Variants in CECR2 observed in about 807,000 individuals in gnomAD.
CECR2 encodes chromatin remodeling regulator CECR2.
CECR2 carries 30 observed loss-of-function variants against 154.5 expected under a neutral mutation model. The ratio of observed to expected loss-of-function variants is 0.19; its 90% CI spans 0.15 to 0.26. The LOEUF is 0.26. Among genes scored for constraint, CECR2 ranks in the 10% least tolerant of loss-of-function variants. The pLI is 1.00. For missense variants in CECR2, 1,743 were observed against 1,829.3 expected (o/e 0.95, Z 0.86); for synonymous variants, 725 against 683.7 (o/e 1.06, Z -0.94).
intron 1 of CECR2, among the ~76,000 whole-genome samples, chr22:17,460,876 G>T (rs1195699190): frequency 6.6e-6 from 1 of 152,118 alleles, no homozygotes; most frequent in South Asian, 2.1e-4. Flanking sequence ...TTATTTTCTT[G>T]CCTAGGACTT....
intron 2 of CECR2, among the ~76,000 whole-genome samples, chr22:17,487,713 T>A (rs1046608206): frequency 2.0e-5 from 3 of 152,058 alleles, no homozygotes; most frequent in African/African-American, 7.2e-5. Context: ...TGATAATACT[T>A]ACTGCTAAAA....
At chr22:17,496,171 G>C (rs926794630) in intron 2 of CECR2, among the ~76,000 whole-genome samples, 4 of 152,124 alleles carry the variant, frequency 2.6e-5, no homozygotes, top group African/African-American at 9.7e-5. Context: ...TTCAAGACCA[G>C]CCTGGGCAAC....
intron 8 of CECR2, among the ~76,000 whole-genome samples, chr22:17,523,167 G>T (rs2056188282): frequency 6.6e-6 from 1 of 152,140 alleles, no homozygotes; most frequent in Non-Finnish European, 1.5e-5. Context: ...TTGGGAGGCT[G>T]AGGTCAGAAG....
chr22:17,484,495 C>G (rs1023148962), intron 2 of CECR2, among the ~76,000 whole-genome samples: 1 of 152,090 alleles, frequency 6.6e-6, no homozygotes, highest in African/African-American at 2.4e-5. Context: ...TTTCACCTGC[C>G]AGGAAAGACT....
intron 1 of CECR2, among the ~76,000 whole-genome samples, chr22:17,393,044 A>G (rs1315728212): frequency 6.6e-6 from 1 of 152,144 alleles, no homozygotes; most frequent in Admixed American, 6.5e-5. Context: ...TGTCTCAGAA[A>G]ATAGTGTTCC....
chr22:17,510,750 C>CT (rs1403596348), intron 7 of CECR2, among the ~76,000 whole-genome samples: 5 of 152,252 alleles, frequency 3.3e-5, no homozygotes, highest in Admixed American at 3.3e-4. Context: ...TACAGGCACG[C>CT]ACCACCATGC....
chr22:17,504,463 G>A (rs569526397), intron 6 of CECR2, among the ~76,000 whole-genome samples: 171 of 151,970 alleles, frequency 1.1e-3, no homozygotes, highest in Non-Finnish European at 2.1e-3. Context: ...TTGAGACGGA[G>A]TCTCACTCTG....
intron 9 of CECR2, among the ~76,000 whole-genome samples, chr22:17,536,852 C>CT (rs1569149455): frequency 6.6e-6 from 1 of 152,130 alleles, no homozygotes; most frequent in Non-Finnish European, 1.5e-5. Flanking sequence ...TGTGCCTGCC[C>CT]TGCCACCTTC....
chr22:17,536,676 G>C (rs141362145), intron 9 of CECR2, among the ~76,000 whole-genome samples: 45 of 152,264 alleles, frequency 3.0e-4, no homozygotes, highest in African/African-American at 9.6e-4. Flanking sequence ...CTGAGAGTCT[G>C]GTCCTAAAAA....
At chr22:17,463,574 T>A (rs753510157) in intron 1 of CECR2, among the ~76,000 whole-genome samples, 6 of 152,056 alleles carry the variant, frequency 3.9e-5, no homozygotes, top group Non-Finnish European at 8.8e-5. Context: ...ATGCCTCAAT[T>A]TTTTGCTGGA....
intron 1 of CECR2, among the ~76,000 whole-genome samples, chr22:17,424,040 C>T (rs996354800): frequency 1.3e-5 from 2 of 152,134 alleles, no homozygotes; most frequent in Non-Finnish European, 2.9e-5. Context: ...GAGCCTATAG[C>T]TCTTGAGATT....
chr22:17,387,444 A>C (rs990270010), intron 1 of CECR2, among the ~76,000 whole-genome samples: 1 of 152,206 alleles, frequency 6.6e-6, no homozygotes, highest in Non-Finnish European at 1.5e-5. Context: ...CAGCCACGAC[A>C]CAGCCAGAAT....
At chr22:17,453,049 C>T (rs1047512227) in intron 1 of CECR2, among the ~76,000 whole-genome samples, 26 of 152,088 alleles carry the variant, frequency 1.7e-4, no homozygotes, top group African/African-American at 6.3e-4. Flanking sequence ...AGGAATTTTT[C>T]CCCTCACACC....
intron 1 of CECR2, among the ~76,000 whole-genome samples, chr22:17,472,355 C>T (rs1038159061): frequency 1.3e-5 from 2 of 152,130 alleles, no homozygotes; most frequent in Admixed American, 6.5e-5. Flanking sequence ...TTTTTTCTTT[C>T]TGTATTCTGA....
At position 17,555,880 on chromosome 22, in the gene CECR2, TC is replaced by T. The variant is rs1186738365; in HGVS notation, c.*3041del. On this transcript the variant is annotated 3_prime_UTR_variant, in exon 19 of 19. Transcript: ENST00000262608. ...CCATTGCATCTCTTTGATTTAACAC[TC>T]ATGGCTCACCTTTAGTAGAGTTGTT... 3 of 152,188 alleles carry T rather than the reference TC, an allele frequency of 2.0e-5. No homozygotes were observed. The highest frequency in any genetic ancestry group is 4.4e-5 in the Non-Finnish European group (3 of 68,046). The allele number at this position is 152,188 out of a possible 1,614,324, so 9.4% of individuals were successfully genotyped here. A position where few individuals can be genotyped will look rare whatever the true frequency, so the allele number is the denominator to read the frequency against.
chr22:17,462,361 AAAT>A (rs1205605229), intron 1 of CECR2, among the ~76,000 whole-genome samples: 1 of 151,760 alleles, frequency 6.6e-6, no homozygotes, highest in Non-Finnish European at 1.5e-5. Flanking sequence ...ACTCCATCTG[AAAT>A]AATAATAAAA....
intron 1 of CECR2, among the ~76,000 whole-genome samples, chr22:17,363,477 G>C (rs2062987206): frequency 6.6e-6 from 1 of 152,098 alleles, no homozygotes; most frequent in South Asian, 2.1e-4. Context: ...CAAAGTGGTG[G>C]AATTACAGGC....
intron 1 of CECR2, among the ~76,000 whole-genome samples, chr22:17,374,573 C>A (rs1181241292): frequency 2.0e-5 from 3 of 152,140 alleles, no homozygotes; most frequent in South Asian, 2.1e-4. Context: ...AAGCCCTGAA[C>A]TAGTTGAAAG....
chr22:17,529,814 A>G (rs1023480877), intron 9 of CECR2, among the ~76,000 whole-genome samples: 1 of 151,878 alleles, frequency 6.6e-6, no homozygotes, highest in Non-Finnish European at 1.5e-5. Context: ...GCCTCCCATG[A>G]TAGTTCTTAT....
Sources: gnomAD v4.1 joint callset for allele counts (sites outside exome capture counted in the v4.1 genomes callset) on GRCh38, gnomAD v4.1.1 for gene constraint, MANE v1.5 for transcripts, NCBI Gene and HGNC (gene_info 2026-07-23, HGNC 2026-07-21) for gene names.